The following CAMSAP1 variants were observed in gnomAD, a reference collection of about 807,000 sequenced individuals.
The protein encoded by CAMSAP1 is calmodulin-regulated spectrin-associated protein 1.
Under a neutral mutation model 143.5 loss-of-function variants are expected in CAMSAP1, and 58 were observed. The ratio of observed to expected loss-of-function variants is 0.40; its 90% CI spans 0.33 to 0.50. CAMSAP1 has a LOEUF of 0.50. Ranked by LOEUF, CAMSAP1 falls within the 20% of genes least tolerant of loss-of-function variation. The pLI is 0.45. For missense variants in CAMSAP1, 1,969 were observed against 2,115.7 expected, an observed-to-expected ratio of 0.93 and a Z score of 1.36; for synonymous variants, 945 against 859.3, an observed-to-expected ratio of 1.10 and a Z score of -1.74.
chr9:135,902,847 C>T (rs1437944347), intron 1 of CAMSAP1, among the ~76,000 whole-genome samples: 2 of 152,174 alleles, frequency 1.3e-5, no homozygotes, highest in Non-Finnish European at 2.9e-5. Flanking sequence ...GGGCCACGTG[C>T]TGTCAGTAAG....
chr9:135,889,884 C>A (rs531912289), intron 1 of CAMSAP1, among the ~76,000 whole-genome samples: 1 of 152,174 alleles, frequency 6.6e-6, no homozygotes, highest in East Asian at 1.9e-4. Flanking sequence ...GTCCTCTCCC[C>A]GTAAGCTCCC....
chr9:135,904,818 G>A (rs1838723756), intron 1 of CAMSAP1, among the ~76,000 whole-genome samples: 2 of 152,120 alleles, frequency 1.3e-5, no homozygotes, highest in African/African-American at 4.8e-5. Context: ...TACAAAAACT[G>A]GCCGGGAGTG....
At chr9:135,857,132 C>T (rs371008391) in intron 5 of CAMSAP1, among the ~76,000 whole-genome samples, 3 of 152,172 alleles carry the variant, frequency 2.0e-5, no homozygotes, top group South Asian at 2.1e-4. Flanking sequence ...TTTGCCATGG[C>T]CCTTCTTCAG....
Position 135,853,305 on chromosome 9 carries a change from C to T in CAMSAP1, c.809-2844G>A, listed in dbSNP as rs114038999. On this transcript the variant is annotated intron_variant, in intron 5 of 16. Transcript: ENST00000389532. Reference sequence around the variant, plus strand: ...CAGATGAAGGGAAACTATGAGGGGACGCTGGGCCAAGCAGGTGCTCCTGGG... The same window carrying T: ...CAGATGAAGGGAAACTATGAGGGGATGCTGGGCCAAGCAGGTGCTCCTGGG... 5.1e-3 allele frequency among the ~76,000 whole-genome samples: 776 copies of T among 152,264 alleles called. 6 individuals are homozygous for T. The highest frequency in any genetic ancestry group is 0.018 in the African/African-American group (746 of 41,542).
chr9:135,842,917 G>T (rs988849872), intron 7 of CAMSAP1, among the ~76,000 whole-genome samples: 3 of 152,206 alleles, frequency 2.0e-5, no homozygotes, highest in African/African-American at 7.2e-5. Flanking sequence ...CACTATCTAT[G>T]AAGAAACTGC....
intron 7 of CAMSAP1, among the ~76,000 whole-genome samples, chr9:135,833,374 C>A (rs1228571020): frequency 6.6e-6 from 1 of 152,214 alleles, no homozygotes; most frequent in Non-Finnish European, 1.5e-5. Context: ...AGCCACCGCG[C>A]CCGGCCAGTA....
At chr9:135,892,847 T>TAAAAAAAAAAAAAAAAAA in intron 1 of CAMSAP1, among the ~76,000 whole-genome samples, 1 of 7,882 alleles carries the variant, frequency 1.3e-4, no homozygotes, top group Non-Finnish European at 2.3e-4. Context: ...CAAGACTGTC[T>TAAAAAAAAAAAAAAAAAA]CAAAAAAAAA....
Position 135,821,083 on chromosome 9 carries a change from T to G in CAMSAP1, c.3578A>C (p.Glu1193Ala), listed in dbSNP as rs760148729. ...SSSKDANILS[E>A]QMSLKEVLDA... Reference sequence around the variant, plus strand: ...CAGAACTTCTTTGAGGCTCATCTGCTCCGAAAGAATGTTGGCATCTTTGGA... The same window carrying G: ...CAGAACTTCTTTGAGGCTCATCTGCGCCGAAAGAATGTTGGCATCTTTGGA... The change falls in exon 11 of 17, where the codon GAG becomes GCG. Residue 1193 changes from glutamate (E) to alanine (A), a missense_variant. Physicochemically the swap from Glu to Ala is moderately radical, Grantham distance 107 (BLOSUM62 -1). Transcript: ENST00000389532. This position sits in a 1 kb window ranked among gnomAD's most constrained non-coding sequence, Gnocchi z 4.6. 6.2e-7 allele frequency: 1 copy of G among 1,613,946 alleles called. No individual in the cohort carries two copies. The highest frequency in any genetic ancestry group is 1.3e-5 in the African/African-American group (1 of 75,042).
chr9:135,853,970 C>T (rs1236698657), intron 5 of CAMSAP1, among the ~76,000 whole-genome samples: 1 of 152,228 alleles, frequency 6.6e-6, no homozygotes, highest in African/African-American at 2.4e-5. Flanking sequence ...TCAATTTGCG[C>T]TAATATTTTA....
Position 135,821,547 on chromosome 9 carries a change from G to A in CAMSAP1, c.3114C>T (p.Ile1038=), listed in dbSNP as rs1278233794. The stretch of plus-strand genomic sequence containing the variant: ...GCTCTTGCTGCTGAGAGATTTTCAG[G>A]ATGGCCTGCTGCAGCGTACTGATGG... The part of the protein sequence containing the change: ...NETISTLQQA[I]LKISQQQEQL... The change falls in exon 11 of 17, where the codon ATC becomes ATT. Residue 1038 remains isoleucine, a synonymous_variant. Transcript: ENST00000389532. The surrounding 1 kb of genome is among the most constrained non-coding windows in gnomAD (Gnocchi z 4.6). The A allele has an allele frequency of 6.2e-7, 1 of 1,614,042 alleles. No individual in the cohort carries two copies. Among genetic ancestry groups the A allele is most frequent in the South Asian group, 1.1e-5 (1 of 91,086 alleles).
chr9:135,894,002 C>G (rs1838370044), intron 1 of CAMSAP1, among the ~76,000 whole-genome samples: 1 of 152,182 alleles, frequency 6.6e-6, no homozygotes, highest in Non-Finnish European at 1.5e-5. Context: ...TACGACCCCC[C>G]ACCCAACGGG....
intron 1 of CAMSAP1, among the ~76,000 whole-genome samples, chr9:135,886,456 G>T (rs886210196): frequency 4.6e-5 from 7 of 152,104 alleles, no homozygotes; most frequent in Non-Finnish European, 1.0e-4. Flanking sequence ...AGGAGCGAGA[G>T]GAAAACATGA....
chr9:135,850,410 C>A lies in CAMSAP1; in HGVS notation c.860G>T (p.Arg287Leu). The A allele has an allele frequency of 6.2e-7, 1 of 1,611,264 alleles. No homozygotes were observed. Among genetic ancestry groups the A allele is most frequent in the Non-Finnish European group, 8.5e-7 (1 of 1,179,074 alleles). ...TTCATTGGAGAATTCTCTCAGAAGC[C>A]GAATATTATACAGACTGTCGGCCAT... is the stretch of plus-strand genomic sequence containing the variant. The part of the protein sequence containing the change: ...TSMADSLYNI[R>L]LLREFSNEYL... The change falls in exon 6 of 17, where the codon CGG becomes CTG. Residue 287 changes from arginine (R) to leucine (L), a missense_variant. Physicochemically the swap from Arg to Leu is moderately radical, Grantham distance 102. This residue lies in a region of CAMSAP1 where 221 missense variants were observed against 298.2 expected (regional missense o/e 0.74). Coordinates refer to ENST00000389532, the MANE Select transcript of CAMSAP1 (RefSeq NM_015447.4).
In CAMSAP1 at chr9:135,811,654, C is replaced by A; in HGVS notation, c.4507-43G>T. 6.5e-7 allele frequency: 1 copy of A among 1,537,142 alleles called. No individual in the cohort carries two copies. The stretch of plus-strand genomic sequence containing the variant: ...AGGGGAAGAGACAAACACTTCAGGG[C>A]CACTCCAATTGCCACGAGTTGGGCT... On this transcript the variant is annotated intron_variant, in intron 16 of 16. Transcript: ENST00000389532. The surrounding 1 kb of genome is among the most constrained non-coding windows in gnomAD (Gnocchi z 4.9).
At chr9:135,900,602 G>A (rs1838586832) in intron 1 of CAMSAP1, among the ~76,000 whole-genome samples, 1 of 151,804 alleles carries the variant, frequency 6.6e-6, no homozygotes, top group South Asian at 2.1e-4. Context: ...GGCCGAGGCA[G>A]GAGAATGGTG....
At chr9:135,871,489 CTAATT>C (rs1437843618) in intron 3 of CAMSAP1, among the ~76,000 whole-genome samples, 3 of 152,164 alleles carry the variant, frequency 2.0e-5, no homozygotes, top group African/African-American at 7.2e-5. Context: ...ACAGCCCCTT[CTAATT>C]TGTTTTGAAA....
intron 10 of CAMSAP1, among the ~76,000 whole-genome samples, 158 bp downstream of exon 10, chr9:135,823,792 C>T (rs748181850): frequency 1.1e-4 from 17 of 152,052 alleles, no homozygotes; most frequent in Non-Finnish European, 2.1e-4. Flanking sequence ...TGCAGAGAGG[C>T]AGTAACTTCC....
intron 1 of CAMSAP1, among the ~76,000 whole-genome samples, chr9:135,889,549 G>A (rs1480659851): frequency 6.6e-6 from 1 of 152,242 alleles, no homozygotes; most frequent in Admixed American, 6.5e-5. Context: ...AAGCCCCAGT[G>A]TGGAGAAAAG....
intron 1 of CAMSAP1, among the ~76,000 whole-genome samples, chr9:135,884,162 A>G (rs1011522125): frequency 1.3e-5 from 2 of 152,166 alleles, no homozygotes; most frequent in Non-Finnish European, 2.9e-5. Context: ...CCACCTCCAC[A>G]GAGTTTAGAA....
Sources: allele counts gnomAD v4.1 joint callset (sites outside exome capture counted in the v4.1 genomes callset), GRCh38; gene constraint gnomAD v4.1.1; regional missense constraint gnomAD v4.1.1; non-coding constraint Gnocchi (gnomAD v3.1); transcripts MANE v1.5; gene names NCBI Gene and HGNC (gene_info 2026-07-23, HGNC 2026-07-21).